The following HTR7 variants were observed in gnomAD, a reference collection of about 807,000 sequenced individuals.
HTR7 encodes 5-hydroxytryptamine receptor 7, also known as 5-HT-7.
Under a neutral mutation model 34.0 loss-of-function variants are expected in HTR7, and 16 were observed. That is an observed-to-expected ratio of 0.47 (90% CI 0.32 to 0.71). The LOEUF is 0.71. Among genes scored for constraint, HTR7 ranks in the 30% least tolerant of loss-of-function variants. The pLI, the probability that HTR7 is intolerant of heterozygous loss-of-function variation, is 0.04. For synonymous variants in HTR7, 265 were observed against 260.2 expected (o/e 1.02, Z -0.18); for missense variants, 504 against 625.5 (o/e 0.81, Z 2.07).
intron 2 of HTR7, 118 bp downstream of exon 2, chr10:90,748,721 G>T: frequency 8.8e-7 from 1 of 1,136,466 alleles, no homozygotes; most frequent in Non-Finnish European, 1.3e-6. Context: ...ATTCAAATCT[G>T]GTATGTTTAG....
intron 1 of HTR7, among the ~76,000 whole-genome samples, chr10:90,765,578 T>C (rs562005740): frequency 5.5e-4 from 84 of 152,122 alleles, no homozygotes; most frequent in African/African-American, 2.0e-3. Flanking sequence ...AAATTTGGCC[T>C]TTTTCTATTT....
chr10:90,766,643 A>T (rs1456341274), intron 1 of HTR7, among the ~76,000 whole-genome samples: 1 of 152,058 alleles, frequency 6.6e-6, no homozygotes, highest in Non-Finnish European at 1.5e-5. Context: ...TGTAACCTGA[A>T]GATTTTTTGT....
rs10159742 is a variant in HTR7, at chr10:90,748,901, T to C, written c.1233A>G (p.Ser411=). The C allele has an allele frequency of 8.9e-3, 14,438 of 1,614,144 alleles. 331 individuals carry two copies. In the African/African-American group the frequency reaches 0.094, roughly 10 times the overall value. The change falls in exon 2 of 4, where the codon TCA becomes TCG. Residue 411 remains serine (S), a synonymous_variant. Transcript: ENST00000336152. ...TCAGGGCTTCATGCATGCCTGCAGC[T>C]GAGAGCTTCCGGTTGATATTCCGGT... ...CQYRNINRKL[S]AAGMHEALKL...
rs1444883749 is a variant in HTR7 at position 90,834,679 on chromosome 10, TTG to T, written c.539+22452_539+22453del. Among the ~76,000 whole-genome samples, 12 of 152,290 alleles carry T rather than the reference TTG, an allele frequency of 7.9e-5. 2 individuals carry two copies. The highest frequency in any genetic ancestry group is 7.2e-4 in the Admixed American group (11 of 15,296). ...GAATGAGTAGGCCATGGGTCTCTCATTGTCCAATGAGGGCTTCTTCACATGGT... is the reference window on the plus strand; with the variant it reads ...GAATGAGTAGGCCATGGGTCTCTCATTCCAATGAGGGCTTCTTCACATGGT... On this transcript the variant is annotated intron_variant, in intron 1 of 3. Coordinates refer to ENST00000336152, the MANE Select transcript of HTR7 (RefSeq NM_019859.4).
chr10:90,769,573 T>A (rs1246849106), intron 1 of HTR7, among the ~76,000 whole-genome samples: 1 of 152,168 alleles, frequency 6.6e-6, no homozygotes, highest in Non-Finnish European at 1.5e-5. Flanking sequence ...AAAATACAAA[T>A]CCTTATATAC....
At chr10:90,753,682 AT>A (rs1844780499) in intron 1 of HTR7, among the ~76,000 whole-genome samples, 1 of 152,088 alleles carries the variant, frequency 6.6e-6, no homozygotes, top group East Asian at 1.9e-4. Flanking sequence ...TAAACACATA[AT>A]AGAGGAAAAA....
At position 90,777,480 on chromosome 10, in the gene HTR7, C is replaced by CAAA. The variant is rs1187256524; in HGVS notation, c.540-27889_540-27887dup. 1.7e-3 allele frequency among the ~76,000 whole-genome samples: 84 copies of CAAA among 50,604 alleles called. 1 individual carries two copies. The highest frequency in any genetic ancestry group is 5.2e-3 in the African/African-American group (76 of 14,640). 33.2% of individuals were successfully genotyped at this position (50,604 alleles called of 152,430 possible). ...TGGGTGACAGAGAGAGACTCCGTCT[C>CAAA]AAAAAAAAAAAAAAAAAAAAGATGC... On this transcript the variant is annotated intron_variant, in intron 1 of 3. Transcript: ENST00000336152.
intron 1 of HTR7, among the ~76,000 whole-genome samples, chr10:90,816,658 G>GA (rs1845903073): frequency 6.6e-6 from 1 of 152,138 alleles, no homozygotes; most frequent in Non-Finnish European, 1.5e-5. Flanking sequence ...TGAGAAAACT[G>GA]AAGTTGCGGT....
chr10:90,849,156 G>A (rs1184541310), intron 1 of HTR7, among the ~76,000 whole-genome samples: 1 of 152,172 alleles, frequency 6.6e-6, no homozygotes, highest in Non-Finnish European at 1.5e-5. Context: ...ACTTTTGGTG[G>A]ACAAGCATCT....
intron 1 of HTR7, among the ~76,000 whole-genome samples, chr10:90,834,257 T>A (rs1846221299): frequency 6.6e-6 from 1 of 152,118 alleles, no homozygotes; most frequent in Admixed American, 6.6e-5. Context: ...GTCCTCCAAA[T>A]AGTGCTCCTA....
rs536328607 is a variant in HTR7 at position 90,782,724 on chromosome 10, C to T, written c.540-33130G>A. Among the ~76,000 whole-genome samples, 322 of 152,296 alleles carry T rather than the reference C, an allele frequency of 2.1e-3. 1 individual carries two copies. Among genetic ancestry groups the T allele is most frequent in the Middle Eastern group, 0.01 (3 of 294 alleles). ...ATCCATGGAGATGCTTCTGAGGCTC[C>T]GCAAGTGTTCATTGACATGTACAAT... is the stretch of plus-strand genomic sequence containing the variant. On this transcript the variant is annotated intron_variant, in intron 1 of 3. Transcript: ENST00000336152.
intron 1 of HTR7, among the ~76,000 whole-genome samples, chr10:90,837,096 T>C (rs1314575620): frequency 6.6e-6 from 1 of 152,170 alleles, no homozygotes; most frequent in African/African-American, 2.4e-5. Context: ...TACCCCTCAG[T>C]TCATTAGAGT....
chr10:90,845,247 T>A (rs982950330), intron 1 of HTR7, among the ~76,000 whole-genome samples: 1 of 152,138 alleles, frequency 6.6e-6, no homozygotes, highest in Admixed American at 6.5e-5. Flanking sequence ...TCTGTTCTGA[T>A]GTAGTGTTGA....
chr10:90,849,298 C>A (rs1330776350), intron 1 of HTR7, among the ~76,000 whole-genome samples: 1 of 152,048 alleles, frequency 6.6e-6, no homozygotes, highest in Admixed American at 6.5e-5. Flanking sequence ...ATGTAAATTC[C>A]CTTTGCTCCA....
intron 1 of HTR7, among the ~76,000 whole-genome samples, chr10:90,831,926 C>A (rs530750907): frequency 6.6e-6 from 1 of 152,244 alleles, no homozygotes; most frequent in East Asian, 1.9e-4. Context: ...CGAGTCCCCA[C>A]CAGATTAACT....
chr10:90,809,681 T>A (rs936739072), intron 1 of HTR7, among the ~76,000 whole-genome samples: 7 of 152,194 alleles, frequency 4.6e-5, no homozygotes, highest in Admixed American at 2.6e-4. Flanking sequence ...CAGAACCTCC[T>A]CTGCCAGGAG....
At chr10:90,818,174 T>C (rs938224807) in intron 1 of HTR7, among the ~76,000 whole-genome samples, 3 of 152,160 alleles carry the variant, frequency 2.0e-5, no homozygotes, top group Non-Finnish European at 4.4e-5. Context: ...TGGGAGGTGT[T>C]TGGGTCATTG....
In HTR7 at chr10:90,828,890, G is replaced by T. The variant is rs565024358; in HGVS notation, c.539+28243C>A. ...ACGCATCCAAAAAATAAGAAAACTA[G>T]ATAGGATGTAGAAGTCTCAGGGGGT... On this transcript the variant is annotated intron_variant, in intron 1 of 3. Transcript: ENST00000336152. Among the ~76,000 whole-genome samples the T allele has an allele frequency of 2.2e-4, 33 of 151,190 alleles. No individual in the cohort carries two copies. In the South Asian group the frequency reaches 6.7e-3, roughly 31 times the overall value.
chr10:90,821,306 ATAGAG>A lies in HTR7; in HGVS notation c.539+35822_539+35826del, dbSNP rs1488159680. Among the ~76,000 whole-genome samples, 12 of 152,310 alleles carry A rather than the reference ATAGAG, an allele frequency of 7.9e-5. No individual in the cohort carries two copies. In the East Asian group the frequency reaches 2.1e-3, roughly 27 times the overall value. Reference sequence around the variant, plus strand: ...CAACCCCCAGCAGCAGCCCCAAAGCATAGAGAATCCGTGCACTTGGGGGAGAAAGA... The same window carrying A: ...CAACCCCCAGCAGCAGCCCCAAAGCAAATCCGTGCACTTGGGGGAGAAAGA... On this transcript the variant is annotated intron_variant, in intron 1 of 3. Coordinates refer to ENST00000336152, the MANE Select transcript of HTR7 (RefSeq NM_019859.4).
Sources: gnomAD v4.1 joint callset for allele counts (sites outside exome capture counted in the v4.1 genomes callset) on GRCh38, gnomAD v4.1.1 for gene constraint, MANE v1.5 for transcripts, NCBI Gene and HGNC (gene_info 2026-07-23, HGNC 2026-07-21) for gene names.